The following CNTNAP5 variants were observed in gnomAD, a reference collection of about 807,000 sequenced individuals.
CNTNAP5 encodes contactin-associated protein-like 5.
In CNTNAP5, 72 loss-of-function variants were observed where a neutral mutation model predicts 150.2. The ratio of observed to expected loss-of-function variants is 0.48; its 90% CI spans 0.40 to 0.58. The LOEUF is 0.58. Among genes scored for constraint, CNTNAP5 ranks in the 20% least tolerant of loss-of-function variants. The probability of loss-of-function intolerance (pLI) is 0.00; values close to 1 mark genes in which losing one functional copy is unlikely to be tolerated. For missense variants in CNTNAP5, 1,636 were observed against 1,626.2 expected (o/e 1.01, Z -0.10); for synonymous variants, 672 against 619.8 (o/e 1.08, Z -1.25).
chr2:124,339,011 T>A (rs1409220985), intron 3 of CNTNAP5, among the ~76,000 whole-genome samples: 2 of 152,110 alleles, frequency 1.3e-5, no homozygotes, highest in Admixed American at 6.6e-5. Flanking sequence ...CTTGGGGTAG[T>A]CATGGAGGAA....
At chr2:124,841,699 A>T (rs1272868991) in intron 19 of CNTNAP5, among the ~76,000 whole-genome samples, 1 of 152,116 alleles carries the variant, frequency 6.6e-6, no homozygotes, top group Non-Finnish European at 1.5e-5. Context: ...TTCTGTAGCC[A>T]GTGTCCACAC....
chr2:124,801,937 G>A (rs1681976671), intron 19 of CNTNAP5, among the ~76,000 whole-genome samples: 1 of 152,164 alleles, frequency 6.6e-6, no homozygotes, highest in Non-Finnish European at 1.5e-5. Context: ...TATTATCTGT[G>A]AGAGTTTTTA....
At chr2:124,876,251 G>T (rs1305727043) in intron 21 of CNTNAP5, among the ~76,000 whole-genome samples, 1 of 152,038 alleles carries the variant, frequency 6.6e-6, no homozygotes, top group Admixed American at 6.6e-5. Context: ...AGGTGATTGG[G>T]ATCTACTGCA....
intron 19 of CNTNAP5, among the ~76,000 whole-genome samples, chr2:124,863,030 G>C (rs1286019481): frequency 2.0e-5 from 3 of 152,164 alleles, no homozygotes; most frequent in Non-Finnish European, 4.4e-5. Context: ...TAGGTCCTAA[G>C]AGGAATGGTG....
At chr2:124,238,892 C>T (rs1244320860) in intron 2 of CNTNAP5, among the ~76,000 whole-genome samples, 1 of 152,168 alleles carries the variant, frequency 6.6e-6, no homozygotes, top group African/African-American at 2.4e-5. Context: ...CCATAGCAAC[C>T]ATGGCAACCC....
chr2:124,782,718 G>T (rs1036489781), intron 17 of CNTNAP5, among the ~76,000 whole-genome samples: 6 of 152,098 alleles, frequency 3.9e-5, no homozygotes, highest in African/African-American at 1.4e-4. Flanking sequence ...ATTTATTGCT[G>T]GTGGGAGTAT....
intron 3 of CNTNAP5, among the ~76,000 whole-genome samples, chr2:124,404,628 A>T (rs865921446): frequency 1.3e-5 from 2 of 152,182 alleles, no homozygotes; most frequent in South Asian, 2.1e-4. Flanking sequence ...ATGCTGACTG[A>T]TACTCTTTTC....
intron 18 of CNTNAP5, among the ~76,000 whole-genome samples, chr2:124,794,538 GA>G (rs1681804380): frequency 6.6e-6 from 1 of 152,072 alleles, no homozygotes; most frequent in South Asian, 2.1e-4. Flanking sequence ...GAATTTCAGT[GA>G]AAAAAATAAA....
intron 19 of CNTNAP5, among the ~76,000 whole-genome samples, chr2:124,818,874 C>G (rs898723869): frequency 6.6e-6 from 1 of 152,182 alleles, no homozygotes; most frequent in Non-Finnish European, 1.5e-5. Flanking sequence ...CTGTCATAGG[C>G]CTGGCTCATC....
intron 3 of CNTNAP5, among the ~76,000 whole-genome samples, chr2:124,311,054 A>G (rs929601062): frequency 1.3e-5 from 2 of 152,164 alleles, no homozygotes; most frequent in African/African-American, 4.8e-5. Context: ...TGGGTTCCTT[A>G]CTCTGATACT....
intron 10 of CNTNAP5, among the ~76,000 whole-genome samples, chr2:124,555,612 A>G (rs1446460912): frequency 1.3e-5 from 2 of 152,220 alleles, no homozygotes; most frequent in East Asian, 1.9e-4. Flanking sequence ...TTGGCTTGCA[A>G]TGATAACTAA....
At chr2:124,223,555 A>T (rs1050503615) in intron 2 of CNTNAP5, among the ~76,000 whole-genome samples, 4 of 152,032 alleles carry the variant, frequency 2.6e-5, no homozygotes, top group Non-Finnish European at 5.9e-5. Flanking sequence ...CACGGTTTCC[A>T]ACAGAGCTTC....
At chr2:124,573,792 T>A (rs1428517794) in intron 11 of CNTNAP5, among the ~76,000 whole-genome samples, 2 of 152,192 alleles carry the variant, frequency 1.3e-5, no homozygotes, top group African/African-American at 4.8e-5. Context: ...ATGGAGGTTA[T>A]CAATAGCTCT....
chr2:124,219,074 G>A (rs111724031), intron 1 of CNTNAP5, among the ~76,000 whole-genome samples: 1,651 of 152,068 alleles, frequency 0.011, 31 homozygotes, highest in African/African-American at 0.038. Context: ...ATTTATATAT[G>A]AATGCGAAGA....
intron 6 of CNTNAP5, among the ~76,000 whole-genome samples, chr2:124,456,056 C>T (rs1693111084): frequency 6.6e-6 from 1 of 152,078 alleles, no homozygotes; most frequent in African/African-American, 2.4e-5. Context: ...CACTGGAAGT[C>T]CTAGCCAGAG....
intron 10 of CNTNAP5, among the ~76,000 whole-genome samples, chr2:124,547,588 C>T (rs1469111922): frequency 1.3e-5 from 2 of 152,126 alleles, no homozygotes; most frequent in East Asian, 1.9e-4. Context: ...GGTGGCTGCT[C>T]GTATTCATCT....
In CNTNAP5 at chr2:124,609,843, A is replaced by G. The variant is rs749064309; in HGVS notation, c.1799A>G (p.Asn600Ser). Residue 600 changes from asparagine to serine, a missense_variant, in exon 12 of 24, where the codon AAT becomes AGT. Physicochemically the swap from Asn to Ser is conservative, Grantham distance 46. Coordinates refer to ENST00000682447, the MANE Select transcript of CNTNAP5 (RefSeq NM_001367498.1). Reference protein sequence around the residue: ...QSCEVYRHQGNTAGFFYIDSD... With the variant: ...QSCEVYRHQGSTAGFFYIDSD... ...TGCGAGGTGTACAGGCACCAGGGGA[A>G]TACAGCCGGCTTCTTCTACATCGAC... 1.2e-6 allele frequency: 2 copies of G among 1,613,944 alleles called. No homozygotes were observed. The highest frequency in any genetic ancestry group is 3.3e-5 in the Admixed American group (2 of 60,018).
intron 19 of CNTNAP5, among the ~76,000 whole-genome samples, chr2:124,837,305 G>A (rs769716111): frequency 2.0e-5 from 3 of 152,010 alleles, no homozygotes; most frequent in Non-Finnish European, 2.9e-5. Flanking sequence ...CATTTAGAAG[G>A]AAAAATGTGG....
At chr2:124,337,304 T>G (rs756358917) in intron 3 of CNTNAP5, among the ~76,000 whole-genome samples, 20 of 152,222 alleles carry the variant, frequency 1.3e-4, no homozygotes, top group Non-Finnish European at 2.4e-4. Context: ...TGCAAAAATT[T>G]TCTCCCATTT....
Sources: allele counts gnomAD v4.1 joint callset (sites outside exome capture counted in the v4.1 genomes callset), GRCh38; gene constraint gnomAD v4.1.1; transcripts MANE v1.5; gene names NCBI Gene and HGNC (gene_info 2026-07-23, HGNC 2026-07-21).